IRF2: variants seen among roughly 807,000 people sequenced by gnomAD.
IRF2 encodes interferon regulatory factor 2.
IRF2 carries 15 observed loss-of-function variants against 40.6 expected under a neutral mutation model. The ratio of observed to expected loss-of-function variants is 0.37; its 90% CI spans 0.25 to 0.57. The LOEUF (loss-of-function observed/expected upper bound fraction) is 0.57. IRF2 is among the 20% of genes least tolerant of loss of function. IRF2 has a pLI of 0.77. For missense variants in IRF2, 317 were observed against 455.7 expected (o/e 0.70, Z 2.77); for synonymous variants, 151 against 165.5 (o/e 0.91, Z 0.67).
chr4:184,467,935 T>A (rs1739385390), intron 1 of IRF2, among the ~76,000 whole-genome samples: 1 of 152,228 alleles, frequency 6.6e-6, no homozygotes, highest in Non-Finnish European at 1.5e-5. Context: ...GGTATTTTGC[T>A]GAACTAAATT....
At chr4:184,433,214 A>T (rs1327989347) in intron 1 of IRF2, among the ~76,000 whole-genome samples, 3 of 152,230 alleles carry the variant, frequency 2.0e-5, no homozygotes, top group African/African-American at 7.2e-5. Context: ...CGCTTCGCCA[A>T]CTTGAACGTG....
chr4:184,449,934 C>T (rs1416968254), intron 1 of IRF2, among the ~76,000 whole-genome samples: 2 of 152,240 alleles, frequency 1.3e-5, no homozygotes, highest in Middle Eastern at 3.4e-3. Context: ...ATATAAAGAG[C>T]GACTGTTCCT....
intron 6 of IRF2, 102 bp from the exon 7 acceptor site, chr4:184,399,181 T>A: frequency 8.2e-7 from 1 of 1,219,134 alleles, no homozygotes; most frequent in Non-Finnish European, 1.1e-6. Flanking sequence ...GTCGCCAGGC[T>A]CCCATCACCA....
chr4:184,453,536 G>C (rs891352199), intron 1 of IRF2, among the ~76,000 whole-genome samples: 3 of 152,238 alleles, frequency 2.0e-5, no homozygotes, highest in African/African-American at 7.2e-5. Context: ...ACATGACCTC[G>C]AGAAGGCACA....
At position 184,418,559 on chromosome 4, in the gene IRF2, G is replaced by T. The variant is rs746653734; in HGVS notation, c.337C>A (p.Pro113Thr). The T allele has an allele frequency of 1.2e-6, 2 of 1,614,128 alleles. No individual in the cohort carries two copies. Among genetic ancestry groups the T allele is most frequent in the Admixed American group, 3.3e-5 (2 of 60,026 alleles). ...NNAFRVYRML[P>T]LSERPSKKGK... is the part of the protein sequence containing the mutation. ...TTCTTAGAAGGCCGTTCTGATAGGG[G>T]CAGCATTCGGTAGACCCTGAAGGCA... is the stretch of plus-strand genomic sequence containing the variant. Residue 113 changes from proline (P) to threonine (T), a missense_variant, in exon 4 of 9, where the codon CCC becomes ACC. Physicochemically the swap from Pro to Thr is conservative, Grantham distance 38 (BLOSUM62 -1). Coordinates refer to ENST00000393593, the MANE Select transcript of IRF2 (RefSeq NM_002199.4).
intron 1 of IRF2, among the ~76,000 whole-genome samples, chr4:184,444,226 AG>A (rs1738420152): frequency 6.6e-6 from 1 of 152,214 alleles, no homozygotes; most frequent in African/African-American, 2.4e-5. Flanking sequence ...TATACAGTAT[AG>A]TGATAAAAAT....
chr4:184,412,171 C>T (rs1014660014), intron 5 of IRF2, among the ~76,000 whole-genome samples: 1 of 152,160 alleles, frequency 6.6e-6, no homozygotes, highest in South Asian at 2.1e-4. Context: ...GCTCAAGAAC[C>T]TTTGCTATAA....
chr4:184,389,621 C>T (rs1736181324), intron 8 of IRF2, among the ~76,000 whole-genome samples: 1 of 151,932 alleles, frequency 6.6e-6, no homozygotes, highest in South Asian at 2.1e-4. Context: ...AAAATCAATT[C>T]CCATTTGCTA....
At position 184,448,310 on chromosome 4, in the gene IRF2, G is replaced by A. The variant is rs1738589370; in HGVS notation, c.-6-19240C>T. Among the ~76,000 whole-genome samples the A allele has an allele frequency of 6.6e-6, 1 of 152,166 alleles. No homozygotes were observed. Among genetic ancestry groups the A allele is most frequent in the Non-Finnish European group, 1.5e-5 (1 of 68,034 alleles). The stretch of plus-strand genomic sequence containing the variant: ...TTATTCGTCCTCCGTGCACCAGGAT[G>A]GTATTAATAAGCACATGCATCAATC... On this transcript the variant is annotated intron_variant, in intron 1 of 8. Coordinates refer to ENST00000393593, the MANE Select transcript of IRF2 (RefSeq NM_002199.4). This position sits in a 1 kb window ranked among gnomAD's most constrained non-coding sequence, Gnocchi z 4.3.
In IRF2 at chr4:184,474,520, A is replaced by C; in HGVS notation, c.-148T>G. On this transcript the variant is annotated 5_prime_UTR_variant, in exon 1 of 9. Transcript: ENST00000393593. This position sits in a 1 kb window ranked among gnomAD's most constrained non-coding sequence, Gnocchi z 5.6. ...AAGTTACTCCCCGGCTTGCCTGAGA[A>C]CAGTCCAGATCGAAAGCAAAACAAG... The C allele has an allele frequency of 6.6e-6, 1 of 152,566 alleles. No homozygotes were observed. Among genetic ancestry groups the C allele is most frequent in the Non-Finnish European group, 1.5e-5 (1 of 68,204 alleles). The allele number at this position is 152,566 out of a possible 1,614,324, so 9.5% of individuals were successfully genotyped here. A position where few individuals can be genotyped will look rare whatever the true frequency, so the allele number is the denominator to read the frequency against.
intron 1 of IRF2, among the ~76,000 whole-genome samples, chr4:184,461,909 C>G (rs1739162335): frequency 1.3e-5 from 2 of 152,148 alleles, no homozygotes; most frequent in African/African-American, 4.8e-5. Context: ...GCAGGCTTCC[C>G]AAGTTTCCAC....
rs145421295 is a variant in IRF2, at chr4:184,437,867, C to T, written c.-6-8797G>A. On this transcript the variant is annotated intron_variant, in intron 1 of 8. Transcript: ENST00000393593. ...AAAAAAACCCACACACACGATGACA[C>T]GCGTATAGGAATCTAACAGCAGTGT... 7.2e-3 allele frequency among the ~76,000 whole-genome samples: 1,089 copies of T among 151,806 alleles called. 6 individuals carry two copies. The highest frequency in any genetic ancestry group is 0.066 in the Middle Eastern group (19 of 290).
chr4:184,474,188 G>A lies in IRF2; in HGVS notation c.-7+191C>T, dbSNP rs1291869528. The A allele has an allele frequency of 6.5e-6, 1 of 152,818 alleles. No homozygotes were observed. The highest frequency in any genetic ancestry group is 1.5e-5 in the Non-Finnish European group (1 of 68,562). 9.5% of individuals were successfully genotyped at this position (152,818 alleles called of 1,614,324 possible). ...GCAGAACCTGCTTCCCCTAAAATCA[G>A]ATGATCCATAATTGCGCCGACTGTT... On this transcript the variant is annotated intron_variant, in intron 1 of 8. Transcript: ENST00000393593. This position sits in a 1 kb window ranked among gnomAD's most constrained non-coding sequence, Gnocchi z 5.6.
intron 1 of IRF2, chr4:184,432,161 A>C (rs1332022279): frequency 6.6e-6 from 1 of 152,264 alleles, no homozygotes; most frequent in East Asian, 1.9e-4. Context: ...CACTGTTCGC[A>C]GATTCTGTAT....
At chr4:184,410,435 T>G (rs555085383) in intron 5 of IRF2, among the ~76,000 whole-genome samples, 1 of 152,222 alleles carries the variant, frequency 6.6e-6, no homozygotes, top group Non-Finnish European at 1.5e-5. Flanking sequence ...TGACCTCTGA[T>G]GGACCATGCT....
chr4:184,450,983 C>A (rs907523168), intron 1 of IRF2, among the ~76,000 whole-genome samples: 1 of 152,162 alleles, frequency 6.6e-6, no homozygotes, highest in African/African-American at 2.4e-5. Flanking sequence ...ACTAAATACC[C>A]AGAAGCACAA....
At chr4:184,412,120 G>A (rs1464158910) in intron 5 of IRF2, among the ~76,000 whole-genome samples, 2 of 151,694 alleles carry the variant, frequency 1.3e-5, no homozygotes, top group African/African-American at 4.8e-5. Context: ...AGAATCCAAG[G>A]ATTGATCTAC....
chr4:184,444,407 A>G (rs1286392912), intron 1 of IRF2, among the ~76,000 whole-genome samples: 1 of 152,180 alleles, frequency 6.6e-6, no homozygotes, highest in Non-Finnish European at 1.5e-5. Context: ...ACAGAACCCA[A>G]GACCCTATGC....
chr4:184,399,123 C>T, intron 6 of IRF2, 44 bp from the exon 7 acceptor site: 1 of 1,534,460 alleles, frequency 6.5e-7, no homozygotes, highest in Non-Finnish European at 8.8e-7. Flanking sequence ...GCTGACCTCA[C>T]AATTCTAGCA....
Sources: allele counts gnomAD v4.1 joint callset (sites outside exome capture counted in the v4.1 genomes callset), GRCh38; gene constraint gnomAD v4.1.1; non-coding constraint Gnocchi (gnomAD v3.1); transcripts MANE v1.5; gene names NCBI Gene and HGNC (gene_info 2026-07-23, HGNC 2026-07-21).